LRP1B: variants seen among roughly 807,000 people sequenced by gnomAD.
LRP1B encodes the protein low-density lipoprotein receptor-related protein 1B.
In LRP1B, 217 loss-of-function variants were observed where a neutral mutation model predicts 556.6. The ratio of observed to expected loss-of-function variants is 0.39; its 90% confidence interval spans 0.35 to 0.44. The LOEUF is 0.44. Ranked by LOEUF, LRP1B falls within the 20% of genes least tolerant of loss-of-function variation. The probability of loss-of-function intolerance (pLI) is 1.00; values close to 1 mark genes in which losing one functional copy is unlikely to be tolerated. For synonymous variants in LRP1B, 2,047 were observed against 1,865.8 expected (o/e 1.10, Z -2.50); for missense variants, 5,053 against 5,620.8 (o/e 0.90, Z 3.23).
intron 1 of LRP1B, among the ~76,000 whole-genome samples, chr2:141,921,148 T>C (rs974780682): frequency 6.6e-6 from 1 of 152,062 alleles, no homozygotes; most frequent in Non-Finnish European, 1.5e-5. Flanking sequence ...AATATGACTT[T>C]ACAATTTCTC....
intron 3 of LRP1B, among the ~76,000 whole-genome samples, chr2:141,461,468 T>C (rs1469920666): frequency 6.6e-6 from 1 of 152,094 alleles, no homozygotes; most frequent in Non-Finnish European, 1.5e-5. Context: ...AGAAATAGCA[T>C]AGTAGGGAAA....
chr2:141,637,884 G>A (rs1336136268), intron 2 of LRP1B, among the ~76,000 whole-genome samples: 1 of 152,100 alleles, frequency 6.6e-6, no homozygotes, highest in Admixed American at 6.6e-5. Flanking sequence ...TGATAAGTGA[G>A]TTTTTGCTCA....
intron 77 of LRP1B, among the ~76,000 whole-genome samples, chr2:140,343,082 T>A (rs1018417148): frequency 4.6e-5 from 7 of 151,522 alleles, no homozygotes; most frequent in Non-Finnish European, 1.5e-5. Context: ...TAAGATCTTA[T>A]GGAAAATGAA....
chr2:140,947,009 C>T (rs1246222615), intron 20 of LRP1B, among the ~76,000 whole-genome samples: 3 of 152,114 alleles, frequency 2.0e-5, no homozygotes, highest in South Asian at 4.1e-4. Context: ...ACAATAGAGT[C>T]TCCAAAATGG....
chr2:140,769,467 C>T (rs1225573915), intron 34 of LRP1B, 123 bp from the exon 35 acceptor site: 7 of 1,038,020 alleles, frequency 6.7e-6, no homozygotes, highest in Non-Finnish European at 9.2e-6. Context: ...TATTTCCTGG[C>T]CTTTTAAAAA....
intron 86 of LRP1B, among the ~76,000 whole-genome samples, chr2:140,253,347 T>G (rs1558927762): frequency 6.6e-6 from 1 of 152,086 alleles, no homozygotes; most frequent in East Asian, 1.9e-4. Context: ...ACTAATTAAT[T>G]TAGGAAACGG....
intron 24 of LRP1B, among the ~76,000 whole-genome samples, chr2:140,884,559 A>T (rs1408315438): frequency 6.6e-6 from 1 of 152,236 alleles, no homozygotes; most frequent in East Asian, 1.9e-4. Flanking sequence ...ACCCCAGATG[A>T]CCCTCTTCCC....
chr2:141,565,142 A>G (rs563226563), intron 2 of LRP1B, among the ~76,000 whole-genome samples: 1 of 152,216 alleles, frequency 6.6e-6, no homozygotes, highest in African/African-American at 2.4e-5. Context: ...TTAAGAGTCC[A>G]TTGTGTTTCA....
At chr2:140,863,177 A>T (rs1320810560) in intron 27 of LRP1B, among the ~76,000 whole-genome samples, 1 of 151,766 alleles carries the variant, frequency 6.6e-6, no homozygotes, top group Non-Finnish European at 1.5e-5. Flanking sequence ...TATATGTGTT[A>T]CACACACACA....
intron 7 of LRP1B, among the ~76,000 whole-genome samples, chr2:141,100,628 T>C (rs1346799585): frequency 6.6e-6 from 1 of 152,088 alleles, no homozygotes; most frequent in Admixed American, 6.6e-5. Context: ...AGATGTGGGG[T>C]ACCTAGAAGA....
intron 10 of LRP1B, among the ~76,000 whole-genome samples, chr2:141,052,000 T>C (rs2105450568): frequency 6.6e-6 from 1 of 152,148 alleles, no homozygotes; most frequent in African/African-American, 2.4e-5. Flanking sequence ...TTATTGTCTA[T>C]GTTGAACCAT....
intron 11 of LRP1B, among the ~76,000 whole-genome samples, chr2:141,048,513 A>C (rs1215119072): frequency 6.6e-6 from 1 of 152,162 alleles, no homozygotes; most frequent in Non-Finnish European, 1.5e-5. Context: ...GCAACTCTAG[A>C]AAACTTCATT....
rs184485723 is a variant in LRP1B at position 140,370,449 on chromosome 2, C to A, written c.11008+261G>T. Among the ~76,000 whole-genome samples the A allele has an allele frequency of 6.6e-5, 10 of 152,102 alleles. No individual in the cohort carries two copies. The East Asian group carries it at 1.7e-3, about 27-fold the overall frequency. On this transcript the variant is annotated intron_variant, in intron 71 of 90. Transcript: ENST00000389484. ...CCACATATCCCTATACTTGACCCGGCATCTAGTCTGAAATGGTAGACACTC... is the reference window on the plus strand; with the variant it reads ...CCACATATCCCTATACTTGACCCGGAATCTAGTCTGAAATGGTAGACACTC...
chr2:140,937,259 G>C (rs143633460), intron 20 of LRP1B, among the ~76,000 whole-genome samples: 279 of 152,184 alleles, frequency 1.8e-3, no homozygotes, highest in African/African-American at 6.4e-3. Context: ...GATCATTCAA[G>C]ACTTAATAAA....
At chr2:140,529,258 T>A (rs1690574003) in intron 47 of LRP1B, among the ~76,000 whole-genome samples, 1 of 152,038 alleles carries the variant, frequency 6.6e-6, no homozygotes, top group African/African-American at 2.4e-5. Flanking sequence ...ATACTTTAAT[T>A]TTACTATTTC....
chr2:140,741,264 C>T (rs1055974659), intron 35 of LRP1B, among the ~76,000 whole-genome samples: 7 of 152,086 alleles, frequency 4.6e-5, no homozygotes, highest in Non-Finnish European at 8.8e-5. Flanking sequence ...TCACCCCCAA[C>T]CCAAATAACA....
intron 1 of LRP1B, among the ~76,000 whole-genome samples, chr2:141,927,944 AC>A (rs1484176808): frequency 2.6e-5 from 4 of 151,438 alleles, no homozygotes; most frequent in Admixed American, 6.6e-5. Context: ...AAAAAAAAAA[AC>A]AAAACACTGC....
At chr2:141,335,202 G>C (rs1057254762) in intron 3 of LRP1B, among the ~76,000 whole-genome samples, 1 of 152,062 alleles carries the variant, frequency 6.6e-6, no homozygotes, top group Non-Finnish European at 1.5e-5. Context: ...GACACACAAA[G>C]GCAAAAGCAC....
chr2:141,798,601 G>A (rs1293112092), intron 2 of LRP1B, among the ~76,000 whole-genome samples: 1 of 150,756 alleles, frequency 6.6e-6, no homozygotes, highest in Non-Finnish European at 1.5e-5. Context: ...CAGCTACTCG[G>A]GAGGCTGAGG....
Sources: gnomAD v4.1 joint callset for allele counts (sites outside exome capture counted in the v4.1 genomes callset) on GRCh38, gnomAD v4.1.1 for gene constraint, MANE v1.5 for transcripts, NCBI Gene and HGNC (gene_info 2026-07-23, HGNC 2026-07-21) for gene names.